The following PDCD6IP variants were observed in gnomAD, a reference collection of about 807,000 sequenced individuals.
PDCD6IP encodes the protein programmed cell death 6 interacting protein.
Under a neutral mutation model 103.7 loss-of-function variants are expected in PDCD6IP, and 43 were observed. The observed-to-expected ratio is 0.41, with a 90% confidence interval of 0.32 to 0.53. The LOEUF is 0.53. PDCD6IP is among the 20% of genes least tolerant of loss of function. The pLI is 0.16. For synonymous variants in PDCD6IP, 354 were observed against 378.7 expected, an observed-to-expected ratio of 0.93 and a Z score of 0.76; for missense variants, 871 against 1,036.7, an observed-to-expected ratio of 0.84 and a Z score of 2.20.
chr3:33,857,026 T>C (rs1398215088), intron 15 of PDCD6IP, among the ~76,000 whole-genome samples: 2 of 152,134 alleles, frequency 1.3e-5, no homozygotes, highest in Non-Finnish European at 2.9e-5. Context: ...AGAATGAACA[T>C]GTTCATGTTC....
In PDCD6IP at chr3:33,825,241, C is replaced by A; in HGVS notation, c.517C>A (p.Arg173=). The A allele has an allele frequency of 6.2e-7, 1 of 1,613,452 alleles. No homozygotes were observed. Among genetic ancestry groups the A allele is most frequent in the Non-Finnish European group, 8.5e-7 (1 of 1,179,754 alleles). The change falls in exon 5 of 18, where the codon CGA becomes AGA. Residue 173 remains arginine, a synonymous_variant. Transcript: ENST00000307296. ...AGAGACGGTTTTATCTGCCTTAAGT[C>A]GAGAGCCGACCGTGGACATATCTCC... is the stretch of plus-strand genomic sequence containing the variant. ...IKETVLSALS[R]EPTVDISPDT... is the part of the protein sequence containing the mutation.
intron 1 of PDCD6IP, chr3:33,799,382 C>T (rs1394527309): frequency 6.3e-6 from 1 of 158,792 alleles, no homozygotes; most frequent in East Asian, 1.8e-4. Context: ...GGAATTGGGA[C>T]ACTGGACCAA....
At chr3:33,813,476 T>C (rs1696762685) in intron 2 of PDCD6IP, 83 bp from the exon 3 acceptor site, 1 of 823,160 alleles carries the variant, frequency 1.2e-6, no homozygotes, top group African/African-American at 1.7e-5. Context: ...TTTTTCATGG[T>C]GGATTTTTCT....
Position 33,822,093 on chromosome 3 carries a change from AAGT to A in PDCD6IP, c.462+15_462+17del, listed in dbSNP as rs765061806. 8.8e-5 allele frequency: 142 copies of A among 1,613,264 alleles called. 1 individual carries two copies. The East Asian group carries it at 2.0e-3, about 23-fold the overall frequency. On this transcript the variant is annotated intron_variant, in intron 4 of 17. Transcript: ENST00000307296. The stretch of plus-strand genomic sequence containing the variant: ...GCTAAACATTACCAGGTATGCTGAA[AAGT>A]AGTTACTACAATAATGGTCAACACT...
Position 33,868,786 on chromosome 3 carries a change from T to C in PDCD6IP, c.*2261T>C, listed in dbSNP as rs1470510515. ...CATCCCCAGACCATTTATGCTGAGCTTTGGAATACTATTTTAAACTGGATT... is the reference window on the plus strand; with the variant it reads ...CATCCCCAGACCATTTATGCTGAGCCTTGGAATACTATTTTAAACTGGATT... On this transcript the variant is annotated 3_prime_UTR_variant, in exon 18 of 18. Coordinates refer to ENST00000307296, the MANE Select transcript of PDCD6IP (RefSeq NM_013374.6). 1 of 152,200 alleles carries C rather than the reference T, an allele frequency of 6.6e-6. No individual in the cohort carries two copies. The highest frequency in any genetic ancestry group is 1.5e-5 in the Non-Finnish European group (1 of 68,048). The allele number at this position is 152,200 out of a possible 1,614,324, so 9.4% of individuals were successfully genotyped here.
At chr3:33,838,946 C>A (rs1289452244) in intron 9 of PDCD6IP, among the ~76,000 whole-genome samples, 4 of 151,948 alleles carry the variant, frequency 2.6e-5, no homozygotes. Context: ...GCTGAGGCCA[C>A]AGGTGCAAGC....
chr3:33,852,744 T>G lies in PDCD6IP; in HGVS notation c.1890+8T>G. Reference sequence around the variant, plus strand: ...CTTCTTAAAAATATTCAGGTGAAATTTATATATTTAATAAGATCTGTGTTT... The same window carrying G: ...CTTCTTAAAAATATTCAGGTGAAATGTATATATTTAATAAGATCTGTGTTT... On this transcript the variant is annotated splice_region_variant and intron_variant, in intron 13 of 17. Coordinates refer to ENST00000307296, the MANE Select transcript of PDCD6IP (RefSeq NM_013374.6). 1 of 1,580,530 alleles carries G rather than the reference T, an allele frequency of 6.3e-7. No homozygotes were observed. The highest frequency in any genetic ancestry group is 8.6e-7 in the Non-Finnish European group (1 of 1,168,704).
intron 6 of PDCD6IP, chr3:33,827,261 T>A (rs1697147811): frequency 1.1e-6 from 1 of 913,258 alleles, no homozygotes; most frequent in African/African-American, 1.8e-5. Flanking sequence ...AACTTAAAGA[T>A]TGAGTGAAAT....
At chr3:33,816,997 A>G (rs964054347) in intron 3 of PDCD6IP, among the ~76,000 whole-genome samples, 1 of 152,198 alleles carries the variant, frequency 6.6e-6, no homozygotes, top group African/African-American at 2.4e-5. Flanking sequence ...TGGTAATTAA[A>G]TGTCCTTCAG....
At position 33,842,044 on chromosome 3, in the gene PDCD6IP, A is replaced by G. The variant is rs769325478; in HGVS notation, c.1329A>G (p.Leu443=). ...VDQLIKELPE[L]LQRNREILDE... ...AGTTGATTAAAGAACTGCCTGAATT[A>G]CTGCAACGAAATAGAGAAATCCTAG... is the stretch of plus-strand genomic sequence containing the variant. Residue 443 remains leucine, a synonymous_variant, in exon 10 of 18, where the codon TTA becomes TTG. Transcript: ENST00000307296. The G allele has an allele frequency of 1.9e-6, 3 of 1,613,096 alleles. No individual in the cohort carries two copies. The highest frequency in any genetic ancestry group is 2.2e-5 in the South Asian group (2 of 90,930).
chr3:33,799,223 C>T, intron 1 of PDCD6IP: 2 of 380,536 alleles, frequency 5.3e-6, no homozygotes, highest in Admixed American at 8.7e-5. Context: ...GTACTGATCT[C>T]TTTTGCCACA....
At chr3:33,843,764 TA>T (rs1234040882) in intron 10 of PDCD6IP, among the ~76,000 whole-genome samples, 32 of 152,272 alleles carry the variant, frequency 2.1e-4, no homozygotes, top group Non-Finnish European at 4.1e-4. Flanking sequence ...TTATATTTTT[TA>T]ATGTAATTGA....
At position 33,798,660 on chromosome 3, in the gene PDCD6IP, C is replaced by T. The variant is rs189555154; in HGVS notation, c.-69C>T. ...GTCCGCCAGTCCGCCAGCCCAGTAC[C>T]TCTCTCTCCTCGGCCCTCGTAAGCT... is the stretch of plus-strand genomic sequence containing the variant. On this transcript the variant is annotated 5_prime_UTR_variant, in exon 1 of 18. Coordinates refer to ENST00000307296, the MANE Select transcript of PDCD6IP (RefSeq NM_013374.6). The T allele has an allele frequency of 5.5e-4, 764 of 1,377,856 alleles. 5 individuals carry two copies. In the African/African-American group the frequency reaches 0.01, roughly 18 times the overall value. 85.4% of individuals were successfully genotyped at this position (1,377,856 alleles called of 1,614,324 possible). A position where few individuals can be genotyped will look rare whatever the true frequency, so the allele number is the denominator to read the frequency against.
intron 11 of PDCD6IP, 138 bp downstream of exon 11, chr3:33,844,361 A>G: frequency 2.2e-6 from 1 of 459,056 alleles, no homozygotes; most frequent in East Asian, 3.6e-5. Context: ...AAAGATTAAA[A>G]AAGTTCACAA....
Position 33,844,188 on chromosome 3 carries a change from C to A in PDCD6IP, c.1436C>A (p.Thr479Lys). The change falls in exon 11 of 18, where the codon ACA becomes AAA. Residue 479 changes from threonine (T) to lysine (K), a missense_variant. By Grantham distance (78) the Thr-to-Lys change is moderately conservative. Coordinates refer to ENST00000307296, the MANE Select transcript of PDCD6IP (RefSeq NM_013374.6). ...AAATTTAAGGAACGTTGGCAAAGGA[C>A]ACCATCCAATGAACTGTATAAGCCT... ...RAKFKERWQR[T>K]PSNELYKPLR... 3 of 1,603,948 alleles carry A rather than the reference C, an allele frequency of 1.9e-6. No individual in the cohort carries two copies. Among genetic ancestry groups the A allele is most frequent in the Non-Finnish European group, 2.5e-6 (3 of 1,177,218 alleles).
At chr3:33,813,521 AGGT>A in intron 2 of PDCD6IP, 35 bp from the exon 3 acceptor site, 1 of 1,229,300 alleles carries the variant, frequency 8.1e-7, no homozygotes, top group Non-Finnish European at 1.2e-6. Context: ...AGATTCAGGA[AGGT>A]TACCTAATTT....
intron 9 of PDCD6IP, among the ~76,000 whole-genome samples, chr3:33,839,582 T>G (rs1411434558): frequency 6.6e-6 from 1 of 152,222 alleles, no homozygotes; most frequent in Non-Finnish European, 1.5e-5. Flanking sequence ...CATGTATAAA[T>G]CTTCGTGTGG....
intron 6 of PDCD6IP, 153 bp from the exon 7 acceptor site, chr3:33,828,700 C>A (rs1697182646): frequency 5.2e-6 from 3 of 574,308 alleles, no homozygotes; most frequent in African/African-American, 1.9e-5. Context: ...ATGTCGTCTT[C>A]TCTGTTTACA....
At chr3:33,828,209 T>A (rs1203672230) in intron 6 of PDCD6IP, among the ~76,000 whole-genome samples, 1 of 152,196 alleles carries the variant, frequency 6.6e-6, no homozygotes, top group Non-Finnish European at 1.5e-5. Context: ...ATCATTATCA[T>A]TGGTCATATA....
Sources: allele counts gnomAD v4.1 joint callset (sites outside exome capture counted in the v4.1 genomes callset), GRCh38; gene constraint gnomAD v4.1.1; transcripts MANE v1.5; gene names NCBI Gene and HGNC (gene_info 2026-07-23, HGNC 2026-07-21).